Variants in GOT2 observed in about 807,000 individuals in gnomAD.
GOT2 encodes aspartate aminotransferase, mitochondrial.
In GOT2, 17 loss-of-function variants were observed where a neutral mutation model predicts 50.0. The observed-to-expected ratio is 0.34, with a 90% CI of 0.23 to 0.51. GOT2 has a LOEUF of 0.51. Among genes scored for constraint, GOT2 ranks in the 20% least tolerant of loss-of-function variants. GOT2 has a pLI of 0.97. For missense variants in GOT2, 430 were observed against 559.6 expected, an observed-to-expected ratio of 0.77 and a Z score of 2.34; for synonymous variants, 172 against 204.9, an observed-to-expected ratio of 0.84 and a Z score of 1.37.
Position 58,718,291 on chromosome 16 carries a change from C to T in GOT2, c.607G>A (p.Glu203Lys). The T allele has an allele frequency of 6.2e-7, 1 of 1,612,504 alleles. No homozygotes were observed. The highest frequency in any genetic ancestry group is 8.5e-7 in the Non-Finnish European group (1 of 1,178,526). The change falls in exon 6 of 10, where the codon GAG becomes AAG. Residue 203 changes from glutamate to lysine, a missense_variant. Physicochemically the swap from Glu to Lys is moderately conservative, Grantham distance 56. Transcript: ENST00000245206. ...GAVEDISKIP[E>K]QSVLLLHACA... ...GCATGCAGAAGAAGAACACTCTGCT[C>T]TGGTATTTTCTAAAGAGAAAAACAG... is the stretch of plus-strand genomic sequence containing the variant.
chr16:58,724,779 G>A (rs1298972649), intron 1 of GOT2, among the ~76,000 whole-genome samples: 1 of 152,224 alleles, frequency 6.6e-6, no homozygotes, highest in Non-Finnish European at 1.5e-5. Context: ...GACCTCAGGT[G>A]ATCTGCTCGC....
chr16:58,715,908 T>C, intron 8 of GOT2, 106 bp downstream of exon 8: 1 of 864,526 alleles, frequency 1.2e-6, no homozygotes. Context: ...CTTCCACATA[T>C]GGAATCTATG....
chr16:58,709,317 C>T lies in GOT2; in HGVS notation c.1170+100G>A, dbSNP rs78892526. 1.8e-4 allele frequency: 189 copies of T among 1,039,494 alleles called. No homozygotes were observed. The African/African-American group carries it at 2.6e-3, about 14-fold the overall frequency. 64.4% of individuals were successfully genotyped at this position (1,039,494 alleles called of 1,614,324 possible). A position where few individuals can be genotyped will look rare whatever the true frequency, so the allele number is the denominator to read the frequency against. On this transcript the variant is annotated intron_variant, in intron 9 of 9. Transcript: ENST00000245206. ...ACAAAACAAAACAAAACAAAAAACC[C>T]GAAAACATTAAATAAAAAAGAAAAA...
chr16:58,727,465 T>C (rs1236707821), intron 1 of GOT2, among the ~76,000 whole-genome samples: 1 of 152,130 alleles, frequency 6.6e-6, no homozygotes, highest in Non-Finnish European at 1.5e-5. Context: ...TATGATCTTC[T>C]AAAGCAATCA....
rs544212044 is a variant in GOT2 at position 58,733,556 on chromosome 16, T to G, written c.89+584A>C. On this transcript the variant is annotated intron_variant, in intron 1 of 9. Transcript: ENST00000245206. ...AGCAAAGGCCAAACGGGCCCCGGGGTCACAGGGACCTCGGGGGGTCGCAAG... is the reference window on the plus strand; with the variant it reads ...AGCAAAGGCCAAACGGGCCCCGGGGGCACAGGGACCTCGGGGGGTCGCAAG... Among the ~76,000 whole-genome samples, 5 of 151,724 alleles carry G rather than the reference T, an allele frequency of 3.3e-5. No homozygotes were observed. The South Asian group carries it at 1.0e-3, about 32-fold the overall frequency.
intron 6 of GOT2, 107 bp from the exon 7 acceptor site, chr16:58,716,920 G>A: frequency 1.0e-6 from 1 of 970,878 alleles, no homozygotes; most frequent in African/African-American, 1.6e-5. Context: ...GTCCCAATAA[G>A]CACAATAAGC....
intron 8 of GOT2, among the ~76,000 whole-genome samples, chr16:58,710,054 T>A (rs1251907030): frequency 6.6e-6 from 1 of 152,294 alleles, no homozygotes; most frequent in African/African-American, 2.4e-5. Context: ...GTAGGTTAAG[T>A]GTATTAAATG....
intron 8 of GOT2, 88 bp downstream of exon 8, chr16:58,715,926 G>T: frequency 2.0e-6 from 2 of 1,010,622 alleles, no homozygotes; most frequent in Non-Finnish European, 3.0e-6. Context: ...ATGGGGTACT[G>T]TATATCACTA....
In GOT2 at chr16:58,718,535, C is replaced by A; in HGVS notation, c.589G>T (p.Asp197Tyr). 1 of 1,576,974 alleles carries A rather than the reference C, an allele frequency of 6.3e-7. No homozygotes were observed. Among genetic ancestry groups the A allele is most frequent in the Non-Finnish European group, 8.6e-7 (1 of 1,163,580 alleles). ...CGFDFTGAVE[D>Y]ISKIPEQSVL... ...CTGAAAGCCACACTTACTGAAATAT[C>A]CTCCACAGCGCCTGTGAAGTCAAAA... The change falls in exon 5 of 10, where the codon GAT becomes TAT. Residue 197 changes from aspartate (D) to tyrosine (Y), a missense_variant. Coordinates refer to ENST00000245206, the MANE Select transcript of GOT2 (RefSeq NM_002080.4).
intron 8 of GOT2, among the ~76,000 whole-genome samples, chr16:58,710,967 CAAAAAAA>C (rs35679170): frequency 1.4e-5 from 1 of 73,036 alleles, no homozygotes; most frequent in African/African-American, 6.0e-5. Context: ...GACTCTGTCT[CAAAAAAA>C]AAAAAAAAAA....
Position 58,718,499 on chromosome 16 carries a change from C to T in GOT2, c.597+28G>A, listed in dbSNP as rs376929807. On this transcript the variant is annotated intron_variant, in intron 5 of 9. Coordinates refer to ENST00000245206, the MANE Select transcript of GOT2 (RefSeq NM_002080.4). ...GTCCGCAAGCAAGGAGTTTTATTCA[C>T]CTCTCTCACCCTGAAAGCCACACTT... The T allele has an allele frequency of 6.5e-6, 10 of 1,548,450 alleles. No homozygotes were observed. The African/African-American group carries it at 1.2e-4, about 19-fold the overall frequency.
In GOT2 at chr16:58,723,856, C is replaced by T; in HGVS notation, c.136G>A (p.Gly46Arg). The change falls in exon 2 of 10, where the codon GGA becomes AGA. Residue 46 changes from glycine to arginine, a missense_variant. Physicochemically the swap from Gly to Arg is moderately radical, Grantham distance 125. Coordinates refer to ENST00000245206, the MANE Select transcript of GOT2 (RefSeq NM_002080.4). ...VEMGPPDPIL[G>R]VTEAFKRDTN... Reference sequence around the variant, plus strand: ...TCCCTCTTAAAGGCTTCAGTGACTCCCAGAATGGGATCTGGAGGTCCCATT... The same window carrying T: ...TCCCTCTTAAAGGCTTCAGTGACTCTCAGAATGGGATCTGGAGGTCCCATT... 1.9e-6 allele frequency: 3 copies of T among 1,613,682 alleles called. No homozygotes were observed. Among genetic ancestry groups the T allele is most frequent in the Non-Finnish European group, 2.5e-6 (3 of 1,179,656 alleles).
intron 3 of GOT2, among the ~76,000 whole-genome samples, chr16:58,720,578 A>ATTTT (rs567374817): frequency 2.8e-5 from 4 of 141,030 alleles, no homozygotes; most frequent in Non-Finnish European, 4.7e-5. Context: ...AGGCACAACA[A>ATTTT]TTTTTTTTTT....
chr16:58,714,303 C>A (rs1239888605), intron 8 of GOT2, among the ~76,000 whole-genome samples: 1 of 152,020 alleles, frequency 6.6e-6, no homozygotes, highest in Non-Finnish European at 1.5e-5. Context: ...GTAATCCTAG[C>A]ACTTTGGGAG....
At chr16:58,714,245 G>A (rs984773972) in intron 8 of GOT2, among the ~76,000 whole-genome samples, 1 of 151,728 alleles carries the variant, frequency 6.6e-6, no homozygotes, top group Admixed American at 6.6e-5. Flanking sequence ...GATGCAGTTG[G>A]CATTTAGAAA....
chr16:58,722,681 T>A (rs1007203010), intron 2 of GOT2, among the ~76,000 whole-genome samples: 2 of 152,188 alleles, frequency 1.3e-5, no homozygotes, highest in Non-Finnish European at 2.9e-5. Context: ...AACCTTTTTT[T>A]AAAATTTGAA....
In GOT2 at chr16:58,707,814, T is replaced by C. The variant is rs1444570569; in HGVS notation, c.*357A>G. On this transcript the variant is annotated 3_prime_UTR_variant, in exon 10 of 10. Transcript: ENST00000245206. The stretch of plus-strand genomic sequence containing the variant: ...TTCTCTCAAAGCCTCTAACGTGTGC[T>C]GTTTCTCACGAGGAACCTGACACTT... The C allele has an allele frequency of 5.9e-6, 1 of 170,908 alleles. No individual in the cohort carries two copies. The highest frequency in any genetic ancestry group is 6.1e-5 in the Admixed American group (1 of 16,370). 10.6% of individuals were successfully genotyped at this position (170,908 alleles called of 1,614,324 possible).
In GOT2 at chr16:58,707,999, G is replaced by T; in HGVS notation, c.*172C>A. 1 of 581,686 alleles carries T rather than the reference G, an allele frequency of 1.7e-6. No individual in the cohort carries two copies. The highest frequency in any genetic ancestry group is 2.9e-6 in the Non-Finnish European group (1 of 350,192). The allele number at this position is 581,686 out of a possible 1,614,324, so 36.0% of individuals were successfully genotyped here. ...CGCCAGCCATGGATGCCTCTGCCCTGTGTCACTACATGTTCTTTTCTGAGA... is the reference window on the plus strand; with the variant it reads ...CGCCAGCCATGGATGCCTCTGCCCTTTGTCACTACATGTTCTTTTCTGAGA... On this transcript the variant is annotated 3_prime_UTR_variant, in exon 10 of 10. Coordinates refer to ENST00000245206, the MANE Select transcript of GOT2 (RefSeq NM_002080.4).
chr16:58,712,661 A>G (rs1377108568), intron 8 of GOT2, among the ~76,000 whole-genome samples: 1 of 152,244 alleles, frequency 6.6e-6, no homozygotes, highest in African/African-American at 2.4e-5. Context: ...TGTGTATTGA[A>G]ATGCATGCAT....
Sources: allele counts gnomAD v4.1 joint callset (sites outside exome capture counted in the v4.1 genomes callset), GRCh38; gene constraint gnomAD v4.1.1; transcripts MANE v1.5; gene names NCBI Gene and HGNC (gene_info 2026-07-23, HGNC 2026-07-21).